The following KMT2C variants were observed in gnomAD, a reference collection of about 807,000 sequenced individuals.
KMT2C encodes the protein histone-lysine N-methyltransferase 2C.
KMT2C carries 88 observed loss-of-function variants against 507.9 expected under a neutral mutation model. The observed-to-expected ratio is 0.17, with a 90% confidence interval of 0.15 to 0.21. The LOEUF (loss-of-function observed/expected upper bound fraction) is 0.21. Among genes scored for constraint, KMT2C ranks in the 10% least tolerant of loss-of-function variants. The pLI is 1.00. For synonymous variants in KMT2C, 2,049 were observed against 2,080.8 expected (o/e 0.98, Z 0.42); for missense variants, 4,954 against 5,957.8 (o/e 0.83, Z 5.55).
At chr7:152,378,675 T>A (rs1325522650) in intron 1 of KMT2C, among the ~76,000 whole-genome samples, 1 of 152,190 alleles carries the variant, frequency 6.6e-6, no homozygotes, top group Non-Finnish European at 1.5e-5. Context: ...ATTCTAGATA[T>A]ATATCTGCAT....
chr7:152,431,131 T>C (rs979662761), intron 1 of KMT2C, among the ~76,000 whole-genome samples: 2 of 152,078 alleles, frequency 1.3e-5, no homozygotes, highest in Non-Finnish European at 2.9e-5. Context: ...GGAAAACAAA[T>C]TGTTGTGATA....
chr7:152,212,595 C>T (rs2094479265), intron 23 of KMT2C, among the ~76,000 whole-genome samples: 1 of 151,660 alleles, frequency 6.6e-6, no homozygotes, highest in African/African-American at 2.4e-5. Context: ...AAATCAGATG[C>T]ATTTCTTTAT....
intron 1 of KMT2C, among the ~76,000 whole-genome samples, chr7:152,432,675 T>A (rs191385921): frequency 6.6e-6 from 1 of 152,342 alleles, no homozygotes; most frequent in African/African-American, 2.4e-5. Context: ...AAGCAGTAAC[T>A]ATATAGCTAT....
At position 152,180,804 on chromosome 7, in the gene KMT2C, G is replaced by A. The variant is rs17173370; in HGVS notation, c.7056C>T (p.Val2352=). 4.3e-6 allele frequency: 7 copies of A among 1,614,112 alleles called. No homozygotes were observed. The highest frequency in any genetic ancestry group is 1.7e-5 in the Admixed American group (1 of 60,028). ...MHSQGQQFSG[V]SQLPGPVPTS... ...TTGGCACAGGTCCAGGAAGTTGGGA[G>A]ACACCAGAGAACTGCTGGCCTTGGG... is the stretch of plus-strand genomic sequence containing the variant. The change falls in exon 36 of 59, where the codon GTC becomes GTT. Residue 2352 remains valine (V), a synonymous_variant. Transcript: ENST00000262189.
chr7:152,158,730 C>A (rs2092260312), intron 44 of KMT2C, 133 bp downstream of exon 44: 2 of 780,132 alleles, frequency 2.6e-6, no homozygotes, highest in Non-Finnish European at 4.4e-6. Context: ...TGGCTAAGCT[C>A]ATCTAGAACT....
intron 6 of KMT2C, among the ~76,000 whole-genome samples, chr7:152,302,281 T>A (rs966607116): frequency 6.6e-6 from 1 of 152,102 alleles, no homozygotes; most frequent in African/African-American, 2.4e-5. Flanking sequence ...AGGAGTGCAA[T>A]AGAACGATCT....
intron 6 of KMT2C, among the ~76,000 whole-genome samples, chr7:152,276,049 C>CT (rs1262900543): frequency 2.0e-5 from 3 of 152,006 alleles, no homozygotes; most frequent in African/African-American, 7.2e-5. Context: ...ATTATATTAG[C>CT]TAAACTACTA....
Position 152,181,310 on chromosome 7 carries a change from A to G in KMT2C, c.6550T>C (p.Ser2184Pro), listed in dbSNP as rs148656650. Reference sequence around the variant, plus strand: ...GTAACAAACAAGTCAGTTTGTGTAGATGGTCTTGGGGTTTGGGGCTGCTGA... The same window carrying G: ...GTAACAAACAAGTCAGTTTGTGTAGGTGGTCTTGGGGTTTGGGGCTGCTGA... ...YSQQPQTPRP[S>P]TQTDLFVTPV... The change falls in exon 36 of 59, where the codon TCT (serine) becomes CCT (proline). Residue 2184 changes from serine to proline, a missense_variant. This residue lies in a region of KMT2C where 1,689 missense variants were observed against 1,654.3 expected (regional missense o/e 1.02). Transcript: ENST00000262189. 3 of 1,613,562 alleles carry G rather than the reference A, an allele frequency of 1.9e-6. No homozygotes were observed. Among genetic ancestry groups the G allele is most frequent in the Non-Finnish European group, 2.5e-6 (3 of 1,179,922 alleles).
At position 152,156,631 on chromosome 7, in the gene KMT2C, T is replaced by C. The variant is rs575159261; in HGVS notation, c.11671-285A>G. On this transcript the variant is annotated intron_variant, in intron 44 of 58. Transcript: ENST00000262189. ...TTTCCTTTCTACCTGATTTTATTTA[T>C]GCAATTCTTCAAGTTTCGTGGTTAT... 4.7e-4 allele frequency among the ~76,000 whole-genome samples: 72 copies of C among 152,336 alleles called. 1 individual carries two copies. The highest frequency in any genetic ancestry group is 1.7e-3 in the African/African-American group (71 of 41,588).
intron 23 of KMT2C, among the ~76,000 whole-genome samples, chr7:152,215,371 G>A (rs192216523): frequency 0.038 from 5,797 of 151,618 alleles, 164 homozygotes; most frequent in Non-Finnish European, 0.058. Flanking sequence ...AAAATTAGCC[G>A]GGCGTGGTGG....
In KMT2C at chr7:152,365,122, C is replaced by T. The variant is rs181591488; in HGVS notation, c.162-6447G>A. 3.9e-5 allele frequency among the ~76,000 whole-genome samples: 6 copies of T among 152,164 alleles called. No individual in the cohort carries two copies. In the East Asian group the frequency reaches 9.7e-4, roughly 24 times the overall value. ...GTCTGAAACTATGTAAGCCAGAAGA[C>T]AGTAAAAAACATATTTAAAGTACTA... is the stretch of plus-strand genomic sequence containing the variant. On this transcript the variant is annotated intron_variant, in intron 1 of 58. Coordinates refer to ENST00000262189, the MANE Select transcript of KMT2C (RefSeq NM_170606.3).
At chr7:152,415,850 A>T (rs2097729777) in intron 1 of KMT2C, among the ~76,000 whole-genome samples, 4 of 152,268 alleles carry the variant, frequency 2.6e-5, no homozygotes, top group Non-Finnish European at 5.9e-5. Flanking sequence ...ACGGCACTCC[A>T]GCCTGGGCAA....
rs761758774 is a variant in KMT2C at position 152,163,761 on chromosome 7, T to TTGC, written c.9813_9815dup (p.Gln3272dup). The TTGC allele has an allele frequency of 6.2e-7, 1 of 1,614,194 alleles. No individual in the cohort carries two copies. The highest frequency in any genetic ancestry group is 1.1e-5 in the South Asian group (1 of 91,088). Reference sequence around the variant, plus strand: ...TCATGGTAGGTGGGGCCATTGCACATTGCTGCTGCTGTTTGATCCGATAAT... The same window carrying TTGC: ...TCATGGTAGGTGGGGCCATTGCACATTGCTGCTGCTGCTGTTTGATCCGATAAT... On this transcript the variant is annotated inframe_insertion, in exon 43 of 59. Transcript: ENST00000262189.
At chr7:152,317,051 T>C (rs2096728786) in intron 3 of KMT2C, among the ~76,000 whole-genome samples, 1 of 152,188 alleles carries the variant, frequency 6.6e-6, no homozygotes, top group African/African-American at 2.4e-5. Context: ...CTTATCAACA[T>C]TGATTGTAAC....
At chr7:152,366,975 C>A in intron 1 of KMT2C, 1 of 548,248 alleles carries the variant, frequency 1.8e-6, no homozygotes. Context: ...CAATGGCCAG[C>A]GCCAGTTGCA....
At chr7:152,308,673 C>CAAAAAAAAAAAAAAAAAAAA (rs938826373) in intron 6 of KMT2C, among the ~76,000 whole-genome samples, 3 of 24,566 alleles carry the variant, frequency 1.2e-4, no homozygotes, top group East Asian at 1.5e-3. Context: ...AAACTCCTCT[C>CAAAAAAAAAAAAAAAAAAAA]AAAAAAAAAA....
At chr7:152,314,391 C>T (rs1023175823) in intron 4 of KMT2C, among the ~76,000 whole-genome samples, 5 of 152,118 alleles carry the variant, frequency 3.3e-5, no homozygotes, top group African/African-American at 1.2e-4. Flanking sequence ...AACTTCTACT[C>T]CCTTAACCAG....
intron 1 of KMT2C, among the ~76,000 whole-genome samples, chr7:152,426,230 GTTTTTTT>G (rs10709636): frequency 8.5e-5 from 8 of 94,586 alleles, no homozygotes; most frequent in Middle Eastern, 6.3e-3. Context: ...TTATGTCATA[GTTTTTTT>G]TTTTTTTTTT....
rs755875522 is a variant in KMT2C, at chr7:152,176,628, G to C, written c.8825C>G (p.Thr2942Ser). 6.2e-7 allele frequency: 1 copy of C among 1,614,236 alleles called. No individual in the cohort carries two copies. Among genetic ancestry groups the C allele is most frequent in the Non-Finnish European group, 8.5e-7 (1 of 1,180,042 alleles). The change falls in exon 38 of 59, where the codon ACT becomes AGT. Residue 2942 changes from threonine to serine, a missense_variant. Physicochemically the swap from Thr to Ser is moderately conservative, Grantham distance 58. Coordinates refer to ENST00000262189, the MANE Select transcript of KMT2C (RefSeq NM_170606.3). ...ATGATTGGATGGGGAGGCCGGCAGA[G>C]TTGGTGGTGGTGGAGACCCCGATGG... The part of the protein sequence containing the change: ...IRPSGSPPPP[T>S]LPASPSNHVS...
Sources: gnomAD v4.1 joint callset for allele counts (sites outside exome capture counted in the v4.1 genomes callset) on GRCh38, gnomAD v4.1.1 for gene constraint, gnomAD v4.1.1 regional missense constraint, MANE v1.5 for transcripts, NCBI Gene and HGNC (gene_info 2026-07-23, HGNC 2026-07-21) for gene names.